SIPA1L1: variants seen among roughly 807,000 people sequenced by gnomAD.
The protein encoded by SIPA1L1 is signal induced proliferation associated 1 like 1.
In SIPA1L1, 26 loss-of-function variants were observed where a neutral mutation model predicts 162.7. That is an observed-to-expected ratio of 0.16 (90% CI 0.12 to 0.22). SIPA1L1 has a LOEUF of 0.22. Among genes scored for constraint, SIPA1L1 ranks in the 10% least tolerant of loss-of-function variants. The pLI is 1.00. For synonymous variants in SIPA1L1, 829 were observed against 837.4 expected (o/e 0.99, Z 0.17); for missense variants, 1,874 against 2,241.0 (o/e 0.84, Z 3.31).
intron 2 of SIPA1L1, among the ~76,000 whole-genome samples, chr14:71,404,407 G>T (rs1246336717): frequency 6.6e-6 from 1 of 152,158 alleles, no homozygotes; most frequent in African/African-American, 2.4e-5. Context: ...AGCTGGACTT[G>T]ATGGCAGGCG....
chr14:71,549,219 A>T (rs575277266), intron 4 of SIPA1L1, among the ~76,000 whole-genome samples: 2 of 152,246 alleles, frequency 1.3e-5, no homozygotes, highest in South Asian at 4.1e-4. Context: ...TTATCAGTAG[A>T]TCGGGATTAC....
intron 4 of SIPA1L1, among the ~76,000 whole-genome samples, chr14:71,572,293 G>A (rs1005782298): frequency 6.6e-6 from 1 of 152,174 alleles, no homozygotes; most frequent in Non-Finnish European, 1.5e-5. Flanking sequence ...GAGTGTTGGA[G>A]GGTACAAATA....
intron 2 of SIPA1L1, among the ~76,000 whole-genome samples, chr14:71,342,607 G>A (rs190648800): frequency 1.8e-3 from 276 of 152,266 alleles, no homozygotes; most frequent in African/African-American, 6.3e-3. Flanking sequence ...TGAAATTGCT[G>A]GTAAAGTTCT....
chr14:71,480,057 CAA>C (rs918356730), intron 2 of SIPA1L1, among the ~76,000 whole-genome samples: 2 of 151,674 alleles, frequency 1.3e-5, no homozygotes, highest in African/African-American at 4.8e-5. Context: ...TTTTTAAATA[CAA>C]AGTTTAGACT....
chr14:71,723,042 T>C (rs920049017), intron 17 of SIPA1L1, among the ~76,000 whole-genome samples: 4 of 152,220 alleles, frequency 2.6e-5, no homozygotes, highest in Admixed American at 2.6e-4. Flanking sequence ...AGCCCTAGTT[T>C]TGTAATCTTT....
At chr14:71,639,176 G>A (rs1708704347) in intron 7 of SIPA1L1, among the ~76,000 whole-genome samples, 1 of 152,220 alleles carries the variant, frequency 6.6e-6, no homozygotes, top group African/African-American at 2.4e-5. Flanking sequence ...AGAGGCCAAG[G>A]AAGGAGGATT....
chr14:71,469,226 C>T (rs1169323690), intron 2 of SIPA1L1, among the ~76,000 whole-genome samples: 1 of 151,550 alleles, frequency 6.6e-6, no homozygotes, highest in Non-Finnish European at 1.5e-5. Context: ...ATAACTTCCC[C>T]AGCCACCTAA....
chr14:71,581,864 C>T (rs572371706), intron 4 of SIPA1L1, among the ~76,000 whole-genome samples: 1 of 152,258 alleles, frequency 6.6e-6, no homozygotes, highest in African/African-American at 2.4e-5. Context: ...TCACTTTTAC[C>T]TTTCTACTTA....
intron 5 of SIPA1L1, among the ~76,000 whole-genome samples, chr14:71,598,045 G>T (rs1567278980): frequency 6.6e-6 from 1 of 152,208 alleles, no homozygotes; most frequent in African/African-American, 2.4e-5. Context: ...GAAGAAAAAG[G>T]TAGAGGAAGC....
At chr14:71,329,150 C>T (rs939036439) in intron 2 of SIPA1L1, among the ~76,000 whole-genome samples, 1 of 152,046 alleles carries the variant, frequency 6.6e-6, no homozygotes, top group Non-Finnish European at 1.5e-5. Context: ...ATGGGTATAC[C>T]ACATTTTGTT....
chr14:71,580,969 T>TCTGC (rs889306137), intron 4 of SIPA1L1, among the ~76,000 whole-genome samples: 212 of 152,332 alleles, frequency 1.4e-3, no homozygotes, highest in African/African-American at 4.9e-3. Context: ...TTTTAATCTG[T>TCTGC]CTGCCTGCCT....
chr14:71,412,619 T>A (rs79006189), intron 2 of SIPA1L1, among the ~76,000 whole-genome samples: 68 of 152,286 alleles, frequency 4.5e-4, no homozygotes, highest in African/African-American at 1.6e-3. Flanking sequence ...AGGCCTAATG[T>A]CCGGGGTGAT....
At chr14:71,475,639 T>A (rs977529991) in intron 2 of SIPA1L1, among the ~76,000 whole-genome samples, 45 of 152,242 alleles carry the variant, frequency 3.0e-4, no homozygotes, top group Admixed American at 6.5e-5. Flanking sequence ...TATCCGTAGC[T>A]TCTCCATTAA....
chr14:71,556,733 C>T (rs2056385784), intron 4 of SIPA1L1, among the ~76,000 whole-genome samples: 1 of 152,232 alleles, frequency 6.6e-6, no homozygotes, highest in Non-Finnish European at 1.5e-5. Flanking sequence ...TCTCCAGAAG[C>T]TCTTCAAACC....
Position 71,509,932 on chromosome 14 carries a change from C to A in SIPA1L1, c.-464-2811C>A, listed in dbSNP as rs181966327. Among the ~76,000 whole-genome samples the A allele has an allele frequency of 4.1e-3, 622 of 152,158 alleles. 1 individual carries two copies. Among genetic ancestry groups the A allele is most frequent in the Admixed American group, 6.1e-3 (93 of 15,282 alleles). ...CTCTTCTGGATTGGTTTCTGTGAATCTCCTGGGTTTTTTTGGAAACACTGG... is the reference window on the plus strand; with the variant it reads ...CTCTTCTGGATTGGTTTCTGTGAATATCCTGGGTTTTTTTGGAAACACTGG... On this transcript the variant is annotated intron_variant, in intron 2 of 23. Transcript: ENST00000381232.
At chr14:71,658,909 T>C (rs1298314748) in intron 9 of SIPA1L1, among the ~76,000 whole-genome samples, 1 of 152,240 alleles carries the variant, frequency 6.6e-6, no homozygotes, top group Non-Finnish European at 1.5e-5. Context: ...ACCATGTTCA[T>C]TGGGAGATAG....
chr14:71,453,732 G>A (rs1222207602), intron 2 of SIPA1L1, among the ~76,000 whole-genome samples: 1 of 152,036 alleles, frequency 6.6e-6, no homozygotes, highest in Non-Finnish European at 1.5e-5. Flanking sequence ...AGTGGCTCAC[G>A]CCTGTAATCC....
chr14:71,330,264 G>A, intron 2 of SIPA1L1: 1 of 695,262 alleles, frequency 1.4e-6, no homozygotes, highest in East Asian at 2.7e-5. Flanking sequence ...GCTGAAAGTA[G>A]AAGTGGCTCC....
chr14:71,321,271 C>G (rs1211316623), intron 2 of SIPA1L1, 90 bp downstream of exon 2: 2 of 152,306 alleles, frequency 1.3e-5, no homozygotes, highest in East Asian at 3.9e-4. Flanking sequence ...GGGTTGGGGT[C>G]CAGGGCCCGG....
Sources: allele counts gnomAD v4.1 joint callset (sites outside exome capture counted in the v4.1 genomes callset), GRCh38; gene constraint gnomAD v4.1.1; transcripts MANE v1.5; gene names NCBI Gene and HGNC (gene_info 2026-07-23, HGNC 2026-07-21).